Variants in TRPM3 observed in about 807,000 individuals in gnomAD.
The protein encoded by TRPM3 is long transient receptor potential channel 3.
In TRPM3, 77 loss-of-function variants were observed where a neutral mutation model predicts 181.2. That is an observed-to-expected ratio of 0.42 (90% confidence interval 0.35 to 0.51). The LOEUF (loss-of-function observed/expected upper bound fraction) is 0.51. Among genes scored for constraint, TRPM3 ranks in the 20% least tolerant of loss-of-function variants. The pLI is 0.01. For synonymous variants in TRPM3, 745 were observed against 796.4 expected (o/e 0.94, Z 1.09); for missense variants, 1,759 against 2,196.7 (o/e 0.80, Z 3.98).
At chr9:70,557,545 G>C (rs1043766160) in intron 22 of TRPM3, among the ~76,000 whole-genome samples, 1 of 152,168 alleles carries the variant, frequency 6.6e-6, no homozygotes, top group Non-Finnish European at 1.5e-5. Flanking sequence ...AGATGAACTG[G>C]TGCCTTAAAA....
chr9:70,583,245 G>T (rs1300547899), intron 22 of TRPM3, among the ~76,000 whole-genome samples: 1 of 152,176 alleles, frequency 6.6e-6, no homozygotes, highest in Non-Finnish European at 1.5e-5. Flanking sequence ...CTGGAGGAGA[G>T]AAAAAAGAAA....
chr9:71,240,791 A>T (rs1215406653), intron 1 of TRPM3, among the ~76,000 whole-genome samples: 1 of 152,202 alleles, frequency 6.6e-6, no homozygotes, highest in Non-Finnish European at 1.5e-5. Flanking sequence ...AAAAGAAAAC[A>T]GGAGTCTGCA....
chr9:71,172,781 C>T (rs2134820692), intron 1 of TRPM3, among the ~76,000 whole-genome samples: 1 of 152,274 alleles, frequency 6.6e-6, no homozygotes, highest in South Asian at 2.1e-4. Flanking sequence ...TAAACAGGTT[C>T]TTCCCATGGA....
intron 1 of TRPM3, among the ~76,000 whole-genome samples, chr9:71,418,802 CTATA>C: frequency 2.0e-5 from 1 of 48,820 alleles, no homozygotes; most frequent in African/African-American, 6.2e-5. Flanking sequence ...CTTTGAGATA[CTATA>C]TATATACTAT....
chr9:70,973,720 A>C (rs2097268920), intron 1 of TRPM3, among the ~76,000 whole-genome samples: 1 of 152,214 alleles, frequency 6.6e-6, no homozygotes, highest in Non-Finnish European at 1.5e-5. Context: ...GCTATTAAAC[A>C]TCACTCACCT....
At chr9:71,249,238 T>C (rs980044219) in intron 1 of TRPM3, among the ~76,000 whole-genome samples, 3 of 152,186 alleles carry the variant, frequency 2.0e-5, no homozygotes, top group African/African-American at 4.8e-5. Context: ...AGAATATAAC[T>C]AAATTCAGAA....
chr9:71,287,701 T>C (rs1479212429), intron 1 of TRPM3, among the ~76,000 whole-genome samples: 6 of 151,748 alleles, frequency 4.0e-5, no homozygotes, highest in Admixed American at 2.6e-4. Flanking sequence ...ATGCACTGTA[T>C]ATATCAATTG....
intron 1 of TRPM3, among the ~76,000 whole-genome samples, chr9:71,192,380 G>GT (rs1172437008): frequency 3.3e-5 from 5 of 151,768 alleles, no homozygotes; most frequent in African/African-American, 1.2e-4. Context: ...TAATAAATTA[G>GT]TAAAAAAATT....
At chr9:71,087,496 G>T (rs897788741) in intron 1 of TRPM3, among the ~76,000 whole-genome samples, 2 of 151,876 alleles carry the variant, frequency 1.3e-5, no homozygotes, top group African/African-American at 4.8e-5. Flanking sequence ...ATTTATGTCT[G>T]TTCTATGACC....
At chr9:70,994,116 A>G (rs933266827) in intron 1 of TRPM3, among the ~76,000 whole-genome samples, 2 of 152,198 alleles carry the variant, frequency 1.3e-5, no homozygotes, top group African/African-American at 2.4e-5. Context: ...TTTGGAATGT[A>G]AATAAATAGT....
chr9:71,138,291 C>T (rs1261364239), intron 1 of TRPM3, among the ~76,000 whole-genome samples: 1 of 152,156 alleles, frequency 6.6e-6, no homozygotes, highest in Non-Finnish European at 1.5e-5. Context: ...CCCTCTATGC[C>T]TCTGTCTATG....
At chr9:71,286,969 A>AATATAATTATATTATATAATTATATT (rs941754309) in intron 1 of TRPM3, among the ~76,000 whole-genome samples, 9 of 124,918 alleles carry the variant, frequency 7.2e-5, no homozygotes, top group Middle Eastern at 3.8e-3. Context: ...AATTATATAT[A>AATATAATTATATTATATAATTATATT]ATATAATTAT....
At chr9:71,335,252 A>C (rs1389702900) in intron 1 of TRPM3, among the ~76,000 whole-genome samples, 2 of 152,184 alleles carry the variant, frequency 1.3e-5, no homozygotes, top group African/African-American at 4.8e-5. Flanking sequence ...TGACTATTAC[A>C]GATTTCAGTA....
At chr9:71,346,665 C>T (rs2091312430) in intron 1 of TRPM3, among the ~76,000 whole-genome samples, 2 of 152,102 alleles carry the variant, frequency 1.3e-5, no homozygotes, top group Admixed American at 6.5e-5. Context: ...AGAGGTTAGC[C>T]TCAGATAAAG....
At chr9:71,426,756 T>C (rs980007628) in intron 1 of TRPM3, among the ~76,000 whole-genome samples, 12 of 152,144 alleles carry the variant, frequency 7.9e-5, no homozygotes, top group Non-Finnish European at 2.9e-5. Context: ...CAGAAGAATT[T>C]AGGATCTAAG....
intron 1 of TRPM3, among the ~76,000 whole-genome samples, chr9:71,217,105 C>A (rs1009824040): frequency 6.6e-6 from 1 of 151,190 alleles, no homozygotes; most frequent in Non-Finnish European, 1.5e-5. Context: ...CGCCCGCTAC[C>A]ACGCCCGGCT....
At chr9:71,266,241 T>C (rs1212777599) in intron 1 of TRPM3, among the ~76,000 whole-genome samples, 1 of 152,194 alleles carries the variant, frequency 6.6e-6, no homozygotes, top group Admixed American at 6.5e-5. Flanking sequence ...CACAATTATA[T>C]GATTCTGGGC....
chr9:71,379,133 T>A (rs2132856836), intron 1 of TRPM3, among the ~76,000 whole-genome samples: 1 of 152,144 alleles, frequency 6.6e-6, no homozygotes, highest in Non-Finnish European at 1.5e-5. Context: ...ATAATCTGAT[T>A]TCAACTTTTG....
intron 1 of TRPM3, among the ~76,000 whole-genome samples, chr9:71,196,459 A>G (rs759147929): frequency 1.3e-5 from 2 of 151,850 alleles, no homozygotes; most frequent in Non-Finnish European, 2.9e-5. Flanking sequence ...CCATGTGCAT[A>G]TTCAATATTT....
Sources: gnomAD v4.1 joint callset for allele counts (sites outside exome capture counted in the v4.1 genomes callset) on GRCh38, gnomAD v4.1.1 for gene constraint, MANE v1.5 for transcripts, NCBI Gene and HGNC (gene_info 2026-07-23, HGNC 2026-07-21) for gene names.